Variants in CSMD1 observed in about 807,000 individuals in gnomAD.
The protein encoded by CSMD1 is CUB and Sushi multiple domains 1, also known as CUB and sushi domain-containing protein 1.
In CSMD1, 213 loss-of-function variants were observed where a neutral mutation model predicts 417.5. The observed-to-expected ratio is 0.51, with a 90% CI of 0.46 to 0.57. The LOEUF is 0.57. Ranked by LOEUF, CSMD1 falls within the 20% of genes least tolerant of loss-of-function variation. The pLI is 0.00. For missense variants in CSMD1, 6,923 were observed against 4,529.7 expected (o/e 1.53, Z -15.17); for synonymous variants, 2,862 against 1,736.8 (o/e 1.65, Z -16.11).
chr8:4,020,288 G>T (rs974426221), intron 4 of CSMD1, among the ~76,000 whole-genome samples: 1 of 152,194 alleles, frequency 6.6e-6, no homozygotes, highest in African/African-American at 2.4e-5. Context: ...GGTGACCAGT[G>T]CAGAGCTGCT....
At chr8:3,993,278 T>A (rs577499471) in intron 5 of CSMD1, among the ~76,000 whole-genome samples, 121 of 152,352 alleles carry the variant, frequency 7.9e-4, no homozygotes, top group Middle Eastern at 3.4e-3. Flanking sequence ...ACATGATGCC[T>A]CCTTCCTTTA....
intron 5 of CSMD1, among the ~76,000 whole-genome samples, chr8:3,796,469 T>TATAC (rs1563089780): frequency 0.014 from 1,943 of 139,078 alleles, 177 homozygotes; most frequent in African/African-American, 0.048. Context: ...ATCTATCATG[T>TATAC]ATATAGATAT....
At chr8:4,043,625 C>G (rs761687466) in intron 3 of CSMD1, among the ~76,000 whole-genome samples, 1 of 152,090 alleles carries the variant, frequency 6.6e-6, no homozygotes, top group Non-Finnish European at 1.5e-5. Context: ...TTTCAAAAGA[C>G]GAAATGCATT....
At chr8:3,559,161 A>G (rs1025767427) in intron 10 of CSMD1, among the ~76,000 whole-genome samples, 4 of 152,236 alleles carry the variant, frequency 2.6e-5, no homozygotes, top group Non-Finnish European at 5.9e-5. Flanking sequence ...AGGAACTTCC[A>G]TGAGCTCTCT....
intron 2 of CSMD1, among the ~76,000 whole-genome samples, chr8:4,605,846 T>G (rs1257319808): frequency 1.3e-5 from 2 of 152,138 alleles, no homozygotes; most frequent in Non-Finnish European, 2.9e-5. Context: ...CGTGTTCTAA[T>G]TGCCGTGTCA....
intron 54 of CSMD1, among the ~76,000 whole-genome samples, chr8:2,988,940 T>G (rs916288180): frequency 6.6e-6 from 1 of 152,176 alleles, no homozygotes; most frequent in Non-Finnish European, 1.5e-5. Context: ...GGGCTCTGTT[T>G]CAAAATGTGG....
intron 2 of CSMD1, among the ~76,000 whole-genome samples, chr8:4,446,743 G>GTGTGCGTGTGTC (rs1798821803): frequency 8.5e-6 from 1 of 117,226 alleles, no homozygotes; most frequent in Non-Finnish European, 1.7e-5. Flanking sequence ...CTGTGTGTGT[G>GTGTGCGTGTGTC]TGTGTGTGTG....
chr8:3,900,672 A>G lies in CSMD1; in HGVS notation c.818+97231T>C, dbSNP rs929850577. Among the ~76,000 whole-genome samples, 44 of 151,242 alleles carry G rather than the reference A, an allele frequency of 2.9e-4. 1 individual carries two copies. Among genetic ancestry groups the G allele is most frequent in the Non-Finnish European group, 8.8e-5 (6 of 67,816 alleles). On this transcript the variant is annotated intron_variant, in intron 5 of 69. Transcript: ENST00000635120. ...ACTGTAGCTGAGTGACAGTGTAGCT[A>G]GGTGACAGTGTAGCTTGGTGGCCCT...
chr8:4,306,606 C>T (rs1038835222), intron 3 of CSMD1, among the ~76,000 whole-genome samples: 1 of 152,108 alleles, frequency 6.6e-6, no homozygotes, highest in Non-Finnish European at 1.5e-5. Context: ...TGCTTTCCTT[C>T]TTGGCCTCTT....
At chr8:3,958,320 CTT>C (rs74275212) in intron 5 of CSMD1, among the ~76,000 whole-genome samples, 20 of 14,712 alleles carry the variant, frequency 1.4e-3, no homozygotes, top group Admixed American at 3.4e-3. Context: ...TAAACTCTCT[CTT>C]TTTTTTTTTT....
intron 8 of CSMD1, among the ~76,000 whole-genome samples, chr8:3,611,479 G>A (rs1410999979): frequency 6.6e-6 from 1 of 152,002 alleles, no homozygotes; most frequent in Non-Finnish European, 1.5e-5. Flanking sequence ...TAAGATTGGA[G>A]TATCTCTCAC....
chr8:4,676,381 C>T (rs1805682490), intron 1 of CSMD1, among the ~76,000 whole-genome samples: 1 of 152,184 alleles, frequency 6.6e-6, no homozygotes. Context: ...TTAGCTATGT[C>T]CTTGACTTTG....
chr8:4,727,977 GTATATATATACAAAATATA>G (rs1809578628), intron 1 of CSMD1, among the ~76,000 whole-genome samples: 1 of 67,152 alleles, frequency 1.5e-5, no homozygotes, highest in African/African-American at 6.7e-5. Flanking sequence ...AAATATATAT[GTATATATATACAAAATATA>G]TATTTATATA....
chr8:3,647,073 A>G (rs1797613529), intron 7 of CSMD1, among the ~76,000 whole-genome samples: 1 of 152,170 alleles, frequency 6.6e-6, no homozygotes, highest in Admixed American at 6.5e-5. Context: ...TCTTTTGTGA[A>G]GTGGAGAGTC....
At chr8:3,308,729 C>G (rs980729808) in intron 23 of CSMD1, among the ~76,000 whole-genome samples, 93 of 102,946 alleles carry the variant, frequency 9.0e-4, no homozygotes, top group Non-Finnish European at 1.2e-3. Context: ...TCCCTACTTA[C>G]AAGTTTTTTT....
At chr8:2,979,104 T>G (rs1805186247) in intron 54 of CSMD1, among the ~76,000 whole-genome samples, 1 of 152,234 alleles carries the variant, frequency 6.6e-6, no homozygotes, top group Non-Finnish European at 1.5e-5. Context: ...GTTTTTGTGT[T>G]CTAATAATGG....
chr8:3,878,919 T>C (rs897383963), intron 5 of CSMD1, among the ~76,000 whole-genome samples: 1 of 152,206 alleles, frequency 6.6e-6, no homozygotes, highest in African/African-American at 2.4e-5. Flanking sequence ...TCTCAGAGAA[T>C]GTACATGACA....
At chr8:3,779,217 A>C (rs145478431) in intron 5 of CSMD1, among the ~76,000 whole-genome samples, 93 of 151,822 alleles carry the variant, frequency 6.1e-4, no homozygotes, top group African/African-American at 2.2e-3. Flanking sequence ...AATAAGACAG[A>C]ACTCACTGTA....
At chr8:3,072,828 G>C (rs894135527) in intron 49 of CSMD1, among the ~76,000 whole-genome samples, 1 of 152,026 alleles carries the variant, frequency 6.6e-6, no homozygotes, top group African/African-American at 2.4e-5. Flanking sequence ...ATATATATAG[G>C]TGTGTGTGTG....
Sources: allele counts gnomAD v4.1 joint callset (sites outside exome capture counted in the v4.1 genomes callset), GRCh38; gene constraint gnomAD v4.1.1; transcripts MANE v1.5; gene names NCBI Gene and HGNC (gene_info 2026-07-23, HGNC 2026-07-21).